MYOM2: variants seen among roughly 807,000 people sequenced by gnomAD.
The protein encoded by MYOM2 is myomesin-2.
MYOM2 carries 254 observed loss-of-function variants against 187.6 expected under a neutral mutation model. The observed-to-expected ratio is 1.35, with a 90% CI of 1.22 to 1.50. MYOM2 has a LOEUF of 1.50. Ranked by LOEUF, MYOM2 falls within the 40% of genes most tolerant of loss-of-function variation. MYOM2 has a pLI of 0.00. For synonymous variants in MYOM2, 981 were observed against 753.8 expected, an observed-to-expected ratio of 1.30 and a Z score of -4.94; for missense variants, 2,796 against 1,924.0, an observed-to-expected ratio of 1.45 and a Z score of -8.48.
intron 11 of MYOM2, among the ~76,000 whole-genome samples, chr8:2,076,867 T>G (rs1202547415): frequency 6.6e-6 from 1 of 152,246 alleles, no homozygotes; most frequent in African/African-American, 2.4e-5. Flanking sequence ...TGACTTCCCG[T>G]ACTGGGGACA....
intron 3 of MYOM2, among the ~76,000 whole-genome samples, chr8:2,053,633 T>C (rs1818562788): frequency 6.6e-6 from 1 of 152,240 alleles, no homozygotes; most frequent in African/African-American, 2.4e-5. Context: ...CTAAAACACA[T>C]TGGTCTATGC....
intron 17 of MYOM2, among the ~76,000 whole-genome samples, chr8:2,095,317 A>T (rs1230416317): frequency 8.9e-5 from 13 of 145,708 alleles, no homozygotes; most frequent in African/African-American, 3.4e-4. Flanking sequence ...TTCGACGTAG[A>T]GTCTCGCTCT....
At position 2,085,290 on chromosome 8, in the gene MYOM2, C is replaced by T. The variant is rs1457247726; in HGVS notation, c.1544C>T (p.Thr515Ile). 6.2e-7 allele frequency: 1 copy of T among 1,614,038 alleles called. No homozygotes were observed. The highest frequency in any genetic ancestry group is 2.2e-5 in the East Asian group (1 of 44,882). ...EGDAQVPGPP[T>I]GVHASEISRN... ...GACGCCCAGGTTCCAGGGCCTCCCACCGGTGTGCACGCTTCCGAGATCAGC... is the reference window on the plus strand; with the variant it reads ...GACGCCCAGGTTCCAGGGCCTCCCATCGGTGTGCACGCTTCCGAGATCAGC... Residue 515 changes from threonine to isoleucine, a missense_variant, in exon 14 of 37, where the codon ACC becomes ATC. Thr to Ile is a moderately conservative substitution (Grantham distance 89, BLOSUM62 -1). Coordinates refer to ENST00000262113, the MANE Select transcript of MYOM2 (RefSeq NM_003970.4).
intron 32 of MYOM2, among the ~76,000 whole-genome samples, chr8:2,138,910 C>G (rs1365524648): frequency 6.6e-6 from 1 of 152,098 alleles, no homozygotes; most frequent in Non-Finnish European, 1.5e-5. Context: ...TCCCACTGTG[C>G]CTTCACAGAA....
At position 2,073,454 on chromosome 8, in the gene MYOM2, G is replaced by A. The variant is rs2129334932; in HGVS notation, c.1074G>A (p.Val358=). The A allele has an allele frequency of 1.2e-6, 2 of 1,610,922 alleles. No homozygotes were observed. Among genetic ancestry groups the A allele is most frequent in the East Asian group, 4.5e-5 (2 of 44,854 alleles). Residue 358 remains valine, a synonymous_variant, in exon 10 of 37, where the codon GTG becomes GTA. Coordinates refer to ENST00000262113, the MANE Select transcript of MYOM2 (RefSeq NM_003970.4). ...AGGGCCTGTACACCCTGCGCATCGT[G>A]TCTCGGGGCGGCGTCAGCGACCACA... The part of the protein sequence containing the change: ...DDEGLYTLRI[V]SRGGVSDHSA...
At chr8:2,050,456 C>G (rs372595486) in intron 1 of MYOM2, among the ~76,000 whole-genome samples, 11 of 152,192 alleles carry the variant, frequency 7.2e-5, no homozygotes, top group African/African-American at 2.2e-4. Flanking sequence ...TTGAACTTTG[C>G]CCTGAACACA....
At chr8:2,080,640 G>C (rs56361924) in intron 13 of MYOM2, among the ~76,000 whole-genome samples, 3,499 of 152,248 alleles carry the variant, frequency 0.023, 131 homozygotes, top group African/African-American at 0.081. Context: ...CAGTCTCCTG[G>C]GCATCTGGCT....
rs138010996 is a variant in MYOM2 at position 2,128,202 on chromosome 8, C to G, written c.3695-925C>G. Among the ~76,000 whole-genome samples, 711 of 152,286 alleles carry G rather than the reference C, an allele frequency of 4.7e-3. 13 individuals are homozygous for G. Among genetic ancestry groups the G allele is most frequent in the East Asian group, 0.044 (228 of 5,180 alleles). On this transcript the variant is annotated intron_variant, in intron 31 of 36. Coordinates refer to ENST00000262113, the MANE Select transcript of MYOM2 (RefSeq NM_003970.4). ...ATGCACACCTTTGGGCAAGCAAAGG[C>G]TCTTTCAGGATTTAGGAATATGTTC...
chr8:2,097,589 A>G (rs2116760155), intron 18 of MYOM2, among the ~76,000 whole-genome samples: 1 of 152,234 alleles, frequency 6.6e-6, no homozygotes, highest in African/African-American at 2.4e-5. Context: ...ATCTCGGCTC[A>G]CTGCAAGCTC....
At chr8:2,076,381 C>G (rs1819422666) in intron 11 of MYOM2, 99 bp downstream of exon 11, 8 of 1,454,946 alleles carry the variant, frequency 5.5e-6, no homozygotes, top group Non-Finnish European at 7.4e-6. Context: ...GTTGACGTTC[C>G]CATTTTTTGA....
intron 32 of MYOM2, among the ~76,000 whole-genome samples, chr8:2,140,062 C>G (rs1798221185): frequency 6.6e-6 from 1 of 152,178 alleles, no homozygotes; most frequent in Non-Finnish European, 1.5e-5. Flanking sequence ...ATTAAACCCT[C>G]AGTCCCCATT....
chr8:2,098,670 T>A (rs1796577510), intron 18 of MYOM2, among the ~76,000 whole-genome samples, 187 bp from the exon 19 acceptor site: 1 of 152,150 alleles, frequency 6.6e-6, no homozygotes, highest in African/African-American at 2.4e-5. Flanking sequence ...GAAGGACACG[T>A]AAGGTTTCAT....
At chr8:2,067,360 C>T (rs1819052246) in intron 6 of MYOM2, among the ~76,000 whole-genome samples, 1 of 152,204 alleles carries the variant, frequency 6.6e-6, no homozygotes, top group African/African-American at 2.4e-5. Context: ...AGATTCTGCT[C>T]AGGTGTCCAT....
intron 3 of MYOM2, among the ~76,000 whole-genome samples, chr8:2,056,937 A>G (rs1240043058): frequency 6.6e-6 from 1 of 152,138 alleles, no homozygotes; most frequent in East Asian, 1.9e-4. Context: ...ATGAGTAACA[A>G]TGTCTCTGTT....
chr8:2,116,412 C>A, intron 27 of MYOM2, 137 bp downstream of exon 27: 2 of 796,196 alleles, frequency 2.5e-6, no homozygotes, highest in African/African-American at 1.8e-5. Flanking sequence ...GTTAGGCTTA[C>A]CAACTGCATA....
At chr8:2,142,335 C>G (rs1241114439) in intron 34 of MYOM2, 40 bp from the exon 35 acceptor site, 1 of 1,604,538 alleles carries the variant, frequency 6.2e-7, no homozygotes, top group Non-Finnish European at 8.5e-7. Flanking sequence ...TTCTCATACT[C>G]TCTTTTCATT....
intron 25 of MYOM2, 74 bp from the exon 26 acceptor site, chr8:2,115,886 T>A: frequency 6.7e-7 from 1 of 1,491,366 alleles, no homozygotes; most frequent in Non-Finnish European, 9.1e-7. Flanking sequence ...GCTGATGCAA[T>A]TGTTAAATGT....
Position 2,072,325 on chromosome 8 carries a change from C to A in MYOM2, c.794-20C>A. 1 of 1,611,346 alleles carries A rather than the reference C, an allele frequency of 6.2e-7. No individual in the cohort carries two copies. The highest frequency in any genetic ancestry group is 8.5e-7 in the Non-Finnish European group (1 of 1,178,962). Reference sequence around the variant, plus strand: ...GCTCTCTGCCCTTCGGCCCTGAAAGCCTCCATCGTTTCTGTGCAGTGCCCC... The same window carrying A: ...GCTCTCTGCCCTTCGGCCCTGAAAGACTCCATCGTTTCTGTGCAGTGCCCC... On this transcript the variant is annotated intron_variant, in intron 8 of 36. Coordinates refer to ENST00000262113, the MANE Select transcript of MYOM2 (RefSeq NM_003970.4).
Position 2,076,480 on chromosome 8 carries a change from C to T in MYOM2, c.1262+198C>T, listed in dbSNP as rs998415203. ...CCAAGTAGGCTGAGCCCAGCATAACCACACTGGGTTTCTTTTTGTTGAAAG... is the reference window on the plus strand; with the variant it reads ...CCAAGTAGGCTGAGCCCAGCATAACTACACTGGGTTTCTTTTTGTTGAAAG... On this transcript the variant is annotated intron_variant, in intron 11 of 36. Coordinates refer to ENST00000262113, the MANE Select transcript of MYOM2 (RefSeq NM_003970.4). The T allele has an allele frequency of 1.0e-5, 7 of 673,774 alleles. No individual in the cohort carries two copies. The African/African-American group carries it at 1.3e-4, about 12-fold the overall frequency. 41.7% of individuals were successfully genotyped at this position (673,774 alleles called of 1,614,324 possible).
Sources: allele counts gnomAD v4.1 joint callset (sites outside exome capture counted in the v4.1 genomes callset), GRCh38; gene constraint gnomAD v4.1.1; transcripts MANE v1.5; gene names NCBI Gene and HGNC (gene_info 2026-07-23, HGNC 2026-07-21).